NAALADL2: variants seen among roughly 807,000 people sequenced by gnomAD.
The protein encoded by NAALADL2 is inactive N-acetylated-alpha-linked acidic dipeptidase-like protein 2.
In NAALADL2, 76 loss-of-function variants were observed where a neutral mutation model predicts 87.2. The ratio of observed to expected loss-of-function variants is 0.87; its 90% confidence interval spans 0.72 to 1.05. The LOEUF is 1.05. Ranked by LOEUF, NAALADL2 falls within the 50% of genes least tolerant of loss-of-function variation. NAALADL2 has a pLI of 0.00. For synonymous variants in NAALADL2, 354 were observed against 331.0 expected (o/e 1.07, Z -0.75); for missense variants, 1,089 against 945.8 (o/e 1.15, Z -1.99).
chr3:175,265,739 AAATC>A (rs1293355869), intron 4 of NAALADL2, among the ~76,000 whole-genome samples: 2 of 151,566 alleles, frequency 1.3e-5, no homozygotes, highest in Admixed American at 6.6e-5. Flanking sequence ...TATGGTTTTG[AAATC>A]AATCAATGTC....
chr3:175,746,982 A>T (rs1746013908), intron 12 of NAALADL2, among the ~76,000 whole-genome samples: 1 of 152,194 alleles, frequency 6.6e-6, no homozygotes, highest in African/African-American at 2.4e-5. Context: ...GATCATCTCT[A>T]GATTAATATC....
At chr3:174,463,802 G>T (rs575219286) in intron 1 of NAALADL2, among the ~76,000 whole-genome samples, 4 of 151,878 alleles carry the variant, frequency 2.6e-5, no homozygotes, top group East Asian at 1.9e-4. Context: ...CGATTTCACC[G>T]TGTTAGCCAG....
intron 3 of NAALADL2, among the ~76,000 whole-genome samples, chr3:174,749,163 T>C (rs1373617055): frequency 6.6e-6 from 1 of 152,186 alleles, no homozygotes; most frequent in African/African-American, 2.4e-5. Flanking sequence ...TAGGATGCTT[T>C]GTTGTGGTTA....
chr3:174,653,542 T>C (rs1345250276), intron 2 of NAALADL2, among the ~76,000 whole-genome samples: 1 of 152,148 alleles, frequency 6.6e-6, no homozygotes, highest in African/African-American at 2.4e-5. Context: ...TAATGTGTCA[T>C]GAGCTGAGAG....
At chr3:174,882,577 T>TTATACACATATGTGTA (rs1287254445) in intron 1 of NAALADL2, among the ~76,000 whole-genome samples, 3 of 136,134 alleles carry the variant, frequency 2.2e-5, no homozygotes, top group Non-Finnish European at 3.0e-5. Flanking sequence ...ACATATGTGC[T>TTATACACATATGTGTA]TATACACATA....
In NAALADL2 at chr3:175,672,117, A is replaced by G. The variant is rs116282685; in HGVS notation, c.1896+44731A>G. Among the ~76,000 whole-genome samples the G allele has an allele frequency of 1.1e-3, 172 of 152,250 alleles. 1 individual carries two copies. Among genetic ancestry groups the G allele is most frequent in the African/African-American group, 4.0e-3 (167 of 41,556 alleles). On this transcript the variant is annotated intron_variant, in intron 11 of 13. Transcript: ENST00000454872. ...TTTAATTACTTAAGCCTGGTGGAGCAGGAGTTGCTGAGGGAGGGAAATGTT... is the reference window on the plus strand; with the variant it reads ...TTTAATTACTTAAGCCTGGTGGAGCGGGAGTTGCTGAGGGAGGGAAATGTT...
At chr3:174,984,643 C>G (rs773141547) in intron 1 of NAALADL2, among the ~76,000 whole-genome samples, 4 of 151,974 alleles carry the variant, frequency 2.6e-5, no homozygotes, top group Non-Finnish European at 5.9e-5. Context: ...AGATTGATAT[C>G]AATTTTTTTT....
chr3:175,776,475 AAT>A (rs1750264350), intron 13 of NAALADL2: 1 of 152,120 alleles, frequency 6.6e-6, no homozygotes, highest in Non-Finnish European at 1.5e-5. Flanking sequence ...CTCTCTGACC[AAT>A]TCTTTTATGG....
chr3:174,988,825 G>A (rs555009192), intron 1 of NAALADL2, among the ~76,000 whole-genome samples: 2 of 152,288 alleles, frequency 1.3e-5, no homozygotes, highest in South Asian at 4.1e-4. Context: ...GATCTGTAAT[G>A]ACCCTATTTC....
intron 1 of NAALADL2, among the ~76,000 whole-genome samples, chr3:175,014,569 A>G (rs765680837): frequency 2.0e-5 from 3 of 152,182 alleles, no homozygotes; most frequent in East Asian, 1.9e-4. Flanking sequence ...CCATTTGGAC[A>G]TGAGTGAATG....
At chr3:174,518,710 G>T (rs111839321) in intron 1 of NAALADL2, among the ~76,000 whole-genome samples, 2 of 151,994 alleles carry the variant, frequency 1.3e-5, no homozygotes, top group African/African-American at 4.8e-5. Context: ...AGTTAGTTAG[G>T]TTTTCTCTTG....
chr3:175,712,948 A>G (rs558056057), intron 11 of NAALADL2, among the ~76,000 whole-genome samples: 344 of 152,222 alleles, frequency 2.3e-3, no homozygotes, highest in Non-Finnish European at 4.3e-3. Flanking sequence ...TTTGCAGCAT[A>G]ATGAAGTCTG....
In NAALADL2 at chr3:175,017,368, A is replaced by T. The variant is rs970836505; in HGVS notation, c.44-79422A>T. ...TCTTCACAACCATCCTTCAAGGTGG[A>T]TGGAGATAATTTGCTGAAGGTTGCT... On this transcript the variant is annotated intron_variant, in intron 1 of 13. Coordinates refer to ENST00000454872, the MANE Select transcript of NAALADL2 (RefSeq NM_207015.3). Among the ~76,000 whole-genome samples, 9 of 152,204 alleles carry T rather than the reference A, an allele frequency of 5.9e-5. 1 individual carries two copies. The South Asian group carries it at 1.7e-3, about 28-fold the overall frequency.
rs977603976 is a variant in NAALADL2, at chr3:174,751,906, G to T, written c.-9+14160G>T. Among the ~76,000 whole-genome samples the T allele has an allele frequency of 6.6e-5, 10 of 152,080 alleles. No homozygotes were observed. In the East Asian group the frequency reaches 1.7e-3, roughly 26 times the overall value. On this transcript the variant is annotated intron_variant, in intron 3 of 3. Transcript: ENST00000434257. ...TGCGCAATTTTATTGTACGAGGAGGGTTTCTTTAATTCATATTCTGGAAAA... is the reference window on the plus strand; with the variant it reads ...TGCGCAATTTTATTGTACGAGGAGGTTTTCTTTAATTCATATTCTGGAAAA...
At chr3:175,737,714 GTTTT>G (rs71164650) in intron 12 of NAALADL2, among the ~76,000 whole-genome samples, 16 of 54,750 alleles carry the variant, frequency 2.9e-4, no homozygotes, top group African/African-American at 1.2e-3. Context: ...CAATGATCCA[GTTTT>G]TTTTTTTTTT....
intron 2 of NAALADL2, among the ~76,000 whole-genome samples, chr3:174,710,189 G>A (rs1041650527): frequency 1.3e-5 from 2 of 150,634 alleles, no homozygotes; most frequent in Non-Finnish European, 2.9e-5. Flanking sequence ...CTTAAAATAG[G>A]GAGACTATCT....
rs149289574 is a variant in NAALADL2 at position 174,851,162 on chromosome 3, A to G, written c.-9+113416A>G. The stretch of plus-strand genomic sequence containing the variant: ...AATAAATGCCTTCATCAAAAGTACA[A>G]CTTCCAAAAAACAACCTAATGATTC... On this transcript the variant is annotated intron_variant, in intron 3 of 3. Coordinates refer to the NAALADL2 transcript ENST00000434257. Among the ~76,000 whole-genome samples the G allele has an allele frequency of 3.6e-3, 550 of 152,134 alleles. 3 individuals are homozygous for G. The highest frequency in any genetic ancestry group is 0.02 in the Middle Eastern group (6 of 294).
At position 175,471,676 on chromosome 3, in the gene NAALADL2, A is replaced by T; in HGVS notation, c.1571A>T (p.Tyr524Phe). Residue 524 changes from tyrosine to phenylalanine, a missense_variant, in exon 9 of 14, where the codon TAT becomes TTT. Coordinates refer to ENST00000454872, the MANE Select transcript of NAALADL2 (RefSeq NM_207015.3). ...KKVLQKNVVA[Y>F]ISLHSPIRGN... ...GTTCTTCAGAAAAATGTTGTGGCTT[A>T]TATTAGCCTCCACAGTCCCATAAGG... 6.4e-7 allele frequency: 1 copy of T among 1,563,042 alleles called. No homozygotes were observed. The highest frequency in any genetic ancestry group is 8.8e-7 in the Non-Finnish European group (1 of 1,136,586).
At chr3:174,639,681 C>T (rs1722983787) in intron 2 of NAALADL2, among the ~76,000 whole-genome samples, 1 of 152,168 alleles carries the variant, frequency 6.6e-6, no homozygotes, top group African/African-American at 2.4e-5. Context: ...CAGTGATCTA[C>T]AGCTGCTTTT....
Sources: allele counts gnomAD v4.1 joint callset (sites outside exome capture counted in the v4.1 genomes callset), GRCh38; gene constraint gnomAD v4.1.1; transcripts MANE v1.5; gene names NCBI Gene and HGNC (gene_info 2026-07-23, HGNC 2026-07-21).